UBE2D2: variants seen among roughly 807,000 people sequenced by gnomAD.
The protein encoded by UBE2D2 is ubiquitin conjugating enzyme E2 D2.
A neutral mutation model predicts 24.2 loss-of-function variants in UBE2D2; 2 were observed. The observed-to-expected ratio is 0.08, with a 90% CI of 0.03 to 0.26. UBE2D2 has a LOEUF of 0.26. UBE2D2 is among the 10% of genes least tolerant of loss of function. UBE2D2 has a pLI of 1.00. For synonymous variants in UBE2D2, 58 were observed against 56.5 expected, an observed-to-expected ratio of 1.03 and a Z score of -0.12; for missense variants, 44 against 177.6, an observed-to-expected ratio of 0.25 and a Z score of 4.28.
chr5:139,530,701 A>G (rs1475622754), intron 1 of UBE2D2, among the ~76,000 whole-genome samples: 2 of 152,212 alleles, frequency 1.3e-5, no homozygotes, highest in Non-Finnish European at 2.9e-5. Context: ...AACCGTACTA[A>G]TTATTGTCTA....
At chr5:139,574,696 C>G (rs1471588620) in intron 1 of UBE2D2, among the ~76,000 whole-genome samples, 1 of 148,944 alleles carries the variant, frequency 6.7e-6, no homozygotes, top group East Asian at 2.0e-4. Flanking sequence ...TCTGTGTTTG[C>G]CAACAACATT....
chr5:139,559,103 CAA>C (rs1753017157), upstream of UBE2D2, among the ~76,000 whole-genome samples: 1 of 152,040 alleles, frequency 6.6e-6, no homozygotes, highest in African/African-American at 2.4e-5. Context: ...TTTTCTAATA[CAA>C]AAGTTATTAC....
At chr5:139,603,538 G>A (rs1397050986) in intron 2 of UBE2D2, among the ~76,000 whole-genome samples, 5 of 148,024 alleles carry the variant, frequency 3.4e-5, no homozygotes, top group African/African-American at 5.0e-5. Context: ...CAGGAGAATC[G>A]TTGGAACTGG....
chr5:139,613,028 T>C (rs769235384), intron 2 of UBE2D2, among the ~76,000 whole-genome samples: 19 of 152,218 alleles, frequency 1.2e-4, no homozygotes, highest in Non-Finnish European at 2.4e-4. Context: ...CTTGGCTTAC[T>C]CAGTCCATTA....
chr5:139,616,109 C>T (rs1217853007), intron 5 of UBE2D2, among the ~76,000 whole-genome samples: 3 of 149,100 alleles, frequency 2.0e-5, no homozygotes, highest in Admixed American at 6.7e-5. Context: ...GCTGGGATTA[C>T]AGGCATGAGC....
rs550219017 is a variant in UBE2D2 at position 139,538,390 on chromosome 5, G to A, written c.-64+11778G>A. Among the ~76,000 whole-genome samples the A allele has an allele frequency of 2.6e-5, 4 of 152,258 alleles. No individual in the cohort carries two copies. In the South Asian group the frequency reaches 8.3e-4, roughly 32 times the overall value. On this transcript the variant is annotated intron_variant, in intron 1 of 6. Transcript: ENST00000511725. ...GTAGAAGTAACCCAAGTGTCCATCA[G>A]CAGATGAAGGGATAAACACAATAAA...
Position 139,561,775 on chromosome 5 carries a change from G to GCCACCCGCCTC in UBE2D2, c.-11_-1dup. On this transcript the variant is annotated 5_prime_UTR_variant, in exon 1 of 7. Transcript: ENST00000398733. ...CCCCGTCCCCGCCCCGGGGGCCGCC[G>GCCACCCGCCTC]CCACCCGCCTCCCACCATGGCTCTG... 2 of 1,128,622 alleles carry GCCACCCGCCTC rather than the reference G, an allele frequency of 1.8e-6. No individual in the cohort carries two copies. The highest frequency in any genetic ancestry group is 2.3e-6 in the Non-Finnish European group (2 of 857,592). 69.9% of individuals were successfully genotyped at this position (1,128,622 alleles called of 1,614,324 possible).
chr5:139,623,173 G>T (rs955144958), intron 5 of UBE2D2, among the ~76,000 whole-genome samples, 195 bp from the exon 6 acceptor site: 1 of 150,330 alleles, frequency 6.7e-6, no homozygotes, highest in Non-Finnish European at 1.5e-5. Context: ...CCCCAATTCT[G>T]CTAAAAAAAA....
intron 5 of UBE2D2, among the ~76,000 whole-genome samples, chr5:139,620,783 G>A (rs1232092916): frequency 6.6e-6 from 1 of 152,212 alleles, no homozygotes; most frequent in Non-Finnish European, 1.5e-5. Flanking sequence ...AAAATGGGCT[G>A]AGAGTTATTA....
chr5:139,623,417 T>C lies in UBE2D2; in HGVS notation c.354T>C (p.Pro118=). 6.2e-7 allele frequency: 1 copy of C among 1,604,456 alleles called. No homozygotes were observed. The highest frequency in any genetic ancestry group is 8.5e-7 in the Non-Finnish European group (1 of 1,172,762). The change falls in exon 6 of 7, where the codon CCT becomes CCC. Residue 118 remains proline (P), a synonymous_variant. Coordinates refer to ENST00000398733, the MANE Select transcript of UBE2D2 (RefSeq NM_003339.3). ...SLLCDPNPDD[P]LVPEIARIYK... is the part of the protein sequence containing the mutation. ...TGTGTGATCCCAATCCAGATGATCC[T>C]TTAGTGCCTGAGATTGCTCGGATCT...
At chr5:139,558,205 T>C (rs899388897), upstream of UBE2D2, among the ~76,000 whole-genome samples, 2 of 152,170 alleles carry the variant, frequency 1.3e-5, no homozygotes, top group East Asian at 1.9e-4. Flanking sequence ...TAAATAAATA[T>C]GGTACATTTA....
chr5:139,558,350 C>T (rs987963233), upstream of UBE2D2, among the ~76,000 whole-genome samples: 1 of 152,136 alleles, frequency 6.6e-6, no homozygotes, highest in Non-Finnish European at 1.5e-5. Flanking sequence ...TGCAGTGGCG[C>T]GATCTCAGCT....
chr5:139,561,053 T>C (rs1581490994), upstream of UBE2D2: 1 of 152,642 alleles, frequency 6.6e-6, no homozygotes, highest in African/African-American at 2.4e-5. Context: ...CCTTTTAATA[T>C]TTATTGATCT....
intron 1 of UBE2D2, among the ~76,000 whole-genome samples, chr5:139,581,220 G>A (rs970241498): frequency 3.3e-5 from 5 of 152,012 alleles, no homozygotes; most frequent in African/African-American, 7.2e-5. Context: ...AGGCCGAGGC[G>A]GGTGGATCAT....
At chr5:139,554,003 C>T (rs187636785) in intron 1 of UBE2D2, among the ~76,000 whole-genome samples, 16 of 152,290 alleles carry the variant, frequency 1.1e-4, no homozygotes, top group Admixed American at 6.5e-4. Flanking sequence ...TGGTCTTGAA[C>T]TTCTGACCTC....
chr5:139,600,272 C>A, intron 1 of UBE2D2, 100 bp from the exon 2 acceptor site: 1 of 1,278,096 alleles, frequency 7.8e-7, no homozygotes, highest in Non-Finnish European at 1.1e-6. Context: ...AAGAGAGTTT[C>A]ACCAGCAGGA....
At chr5:139,549,545 C>T (rs577153542) in intron 1 of UBE2D2, among the ~76,000 whole-genome samples, 13 of 152,350 alleles carry the variant, frequency 8.5e-5, no homozygotes, top group East Asian at 5.8e-4. Context: ...ACCTGCTCTG[C>T]GCTCAAATTC....
At chr5:139,549,776 G>A (rs1752884976) in intron 1 of UBE2D2, among the ~76,000 whole-genome samples, 1 of 152,240 alleles carries the variant, frequency 6.6e-6, no homozygotes, top group African/African-American at 2.4e-5. Context: ...GCCCAGCACA[G>A]GATCCACTAG....
rs577225803 is a variant in UBE2D2, at chr5:139,602,121, G to A, written c.88+1686G>A. ...TGCTGGAGTGCAGTGGCGTGACCTCGGCTCACTGCAAGCTCCGCCTCCTGG... is the reference window on the plus strand; with the variant it reads ...TGCTGGAGTGCAGTGGCGTGACCTCAGCTCACTGCAAGCTCCGCCTCCTGG... On this transcript the variant is annotated intron_variant, in intron 2 of 6. Coordinates refer to ENST00000398733, the MANE Select transcript of UBE2D2 (RefSeq NM_003339.3). Among the ~76,000 whole-genome samples the A allele has an allele frequency of 3.3e-5, 5 of 152,020 alleles. 1 individual carries two copies. The highest frequency in any genetic ancestry group is 9.6e-5 in the African/African-American group (4 of 41,512).
Sources: gnomAD v4.1 joint callset for allele counts (sites outside exome capture counted in the v4.1 genomes callset) on GRCh38, gnomAD v4.1.1 for gene constraint, MANE v1.5 for transcripts, NCBI Gene and HGNC (gene_info 2026-07-23, HGNC 2026-07-21) for gene names.